Variants in AGT observed in about 807,000 individuals in gnomAD.
AGT encodes the protein alpha-1 antiproteinase, antitrypsin.
AGT carries 26 observed loss-of-function variants against 28.1 expected under a neutral mutation model. The ratio of observed to expected loss-of-function variants is 0.92; its 90% CI spans 0.68 to 1.28. The LOEUF is 1.28. Among genes scored for constraint, AGT ranks in the 50% most tolerant of loss-of-function variants. The pLI, the probability that AGT is intolerant of heterozygous loss-of-function variation, is 0.00. For missense variants in AGT, 596 were observed against 592.3 expected, an observed-to-expected ratio of 1.01 and a Z score of -0.06; for synonymous variants, 259 against 259.6, an observed-to-expected ratio of 1.00 and a Z score of 0.02.
Position 230,710,565 on chromosome 1 carries a change from C to A in AGT, c.259G>T (p.Asp87Tyr), listed in dbSNP as rs1466339661. 1 of 1,614,142 alleles carries A rather than the reference C, an allele frequency of 6.2e-7. No homozygotes were observed. The highest frequency in any genetic ancestry group is 2.2e-5 in the East Asian group (1 of 44,902). ...GCGGCCCTCAACTTGTCTTCGGTGTCAAGTTTTGCAGCGACTAGCACCAGC... is the reference window on the plus strand; with the variant it reads ...GCGGCCCTCAACTTGTCTTCGGTGTAAAGTTTTGCAGCGACTAGCACCAGC... ...DQLVLVAAKLDTEDKLRAAMV... is the reference protein window; with the variant it reads ...DQLVLVAAKLYTEDKLRAAMV... Residue 87 changes from aspartate to tyrosine, a missense_variant, in exon 2 of 5, where the codon GAC (aspartate) becomes TAC (tyrosine). Asp to Tyr is a radical substitution (Grantham distance 160). Coordinates refer to ENST00000366667, the MANE Select transcript of AGT (RefSeq NM_001384479.1).
At chr1:230,722,596 C>T (rs1175815053) in intron 1 of AGT, among the ~76,000 whole-genome samples, 1 of 152,230 alleles carries the variant, frequency 6.6e-6, no homozygotes, top group Non-Finnish European at 1.5e-5. Context: ...TGGGACCTTG[C>T]TGCTTGCATC....
At chr1:230,720,492 A>G (rs1663821162) in intron 1 of AGT, among the ~76,000 whole-genome samples, 2 of 147,948 alleles carry the variant, frequency 1.4e-5, no homozygotes, top group Non-Finnish European at 3.0e-5. Context: ...AGGCAGCCAA[A>G]TGCCTAGGCA....
At chr1:230,726,429 T>G (rs957052184) in intron 1 of AGT, among the ~76,000 whole-genome samples, 1 of 152,090 alleles carries the variant, frequency 6.6e-6, no homozygotes, top group South Asian at 2.1e-4. Context: ...AGTCCTTCCA[T>G]ACCCCTTCAC....
At position 230,703,106 on chromosome 1, in the gene AGT, G is replaced by C. The variant is rs1339032563; in HGVS notation, c.*35C>G. 2.5e-6 allele frequency: 4 copies of C among 1,608,766 alleles called. No homozygotes were observed. The highest frequency in any genetic ancestry group is 3.4e-6 in the Non-Finnish European group (4 of 1,176,926). On this transcript the variant is annotated 3_prime_UTR_variant, in exon 5 of 5. Transcript: ENST00000366667. ...CTTTGCCTCAAAGGCCAGGGGCAGA[G>C]GCCTTGCCAGGCACTGTGTTCTGGG...
intron 2 of AGT, among the ~76,000 whole-genome samples, chr1:230,706,790 C>T (rs575365128): frequency 4.6e-5 from 7 of 152,190 alleles, no homozygotes; most frequent in African/African-American, 1.7e-4. Flanking sequence ...CTTTGAGTCT[C>T]CCTCCTGGTG....
In AGT at chr1:230,705,935, G is replaced by A. The variant is rs1012870153; in HGVS notation, c.1095C>T (p.Pro365=). The A allele has an allele frequency of 2.5e-6, 4 of 1,613,946 alleles. No individual in the cohort carries two copies. In the African/African-American group the frequency reaches 4.0e-5, roughly 16 times the overall value. The change falls in exon 3 of 5, where the codon CCC becomes CCT. Residue 365 remains proline, a splice_region_variant and synonymous_variant. Coordinates refer to ENST00000366667, the MANE Select transcript of AGT (RefSeq NM_001384479.1). Reference sequence around the variant, plus strand: ...AGGGGAGACCGGGAGGCTCCTACCGGGGAGATAGTTTCTTCATCCAGTTGA... The same window carrying A: ...AGGGGAGACCGGGAGGCTCCTACCGAGGAGATAGTTTCTTCATCCAGTTGA... ...NSLNWMKKLS[P]RTIHLTMPQL...
chr1:230,713,229 G>A (rs1009417721), intron 1 of AGT, among the ~76,000 whole-genome samples: 5 of 152,118 alleles, frequency 3.3e-5, no homozygotes, highest in Admixed American at 6.5e-5. Context: ...CAGGGTTCCC[G>A]CTGTTGTGTT....
chr1:230,712,484 C>T lies in AGT; in HGVS notation c.-31+1602G>A, dbSNP rs949597678. 3.3e-5 allele frequency among the ~76,000 whole-genome samples: 5 copies of T among 152,352 alleles called. No homozygotes were observed. The South Asian group carries it at 1.0e-3, about 32-fold the overall frequency. ...ATGGAAAAATGGAACAGAAAACTCT[C>T]TCTGCTGCTTGCAGGCCTTTCTGTG... is the stretch of plus-strand genomic sequence containing the variant. On this transcript the variant is annotated intron_variant, in intron 1 of 4. Coordinates refer to ENST00000366667, the MANE Select transcript of AGT (RefSeq NM_001384479.1).
chr1:230,720,080 A>G (rs2102797558), intron 1 of AGT, among the ~76,000 whole-genome samples: 1 of 152,238 alleles, frequency 6.6e-6, no homozygotes, highest in East Asian at 1.9e-4. Context: ...GAGGCCTAGA[A>G]AATCCTCAGG....
chr1:230,721,381 T>A (rs921712407), intron 1 of AGT, among the ~76,000 whole-genome samples: 1 of 152,070 alleles, frequency 6.6e-6, no homozygotes, highest in Non-Finnish European at 1.5e-5. Flanking sequence ...GCATATAGAG[T>A]TATTTAAACT....
At chr1:230,734,433 T>C (rs1262306776) in intron 1 of AGT, among the ~76,000 whole-genome samples, 2 of 151,982 alleles carry the variant, frequency 1.3e-5, no homozygotes, top group African/African-American at 4.8e-5. Context: ...AGAATTTCAG[T>C]TGGGGAAGAT....
intron 2 of AGT, among the ~76,000 whole-genome samples, chr1:230,708,863 A>G (rs1486815034): frequency 6.6e-6 from 1 of 152,072 alleles, no homozygotes; most frequent in East Asian, 1.9e-4. Flanking sequence ...CCCCATTCCC[A>G]CACCTACCAA....
intron 1 of AGT, among the ~76,000 whole-genome samples, chr1:230,731,265 C>T (rs113887724): frequency 6.6e-6 from 1 of 152,192 alleles, no homozygotes; most frequent in South Asian, 2.1e-4. Context: ...ACACTGTTTA[C>T]CTAGTGCAGG....
chr1:230,732,905 AT>A (rs1166602150), intron 1 of AGT, among the ~76,000 whole-genome samples: 1 of 152,134 alleles, frequency 6.6e-6, no homozygotes, highest in Non-Finnish European at 1.5e-5. Context: ...TTTGAGGACT[AT>A]ACTGTATTAA....
upstream of AGT, among the ~76,000 whole-genome samples, chr1:230,715,345 GC>G (rs1357515307): frequency 6.6e-6 from 1 of 152,010 alleles, no homozygotes; most frequent in African/African-American, 2.4e-5. Context: ...CTTGTCTGGG[GC>G]CCCACAGCGA....
chr1:230,703,641 C>T (rs1663294465), intron 4 of AGT, among the ~76,000 whole-genome samples: 1 of 152,232 alleles, frequency 6.6e-6, no homozygotes, highest in African/African-American at 2.4e-5. Context: ...TCCTGGCTCC[C>T]TTGGCCATGG....
At chr1:230,728,632 G>A (rs961931857) in intron 1 of AGT, among the ~76,000 whole-genome samples, 1 of 152,174 alleles carries the variant, frequency 6.6e-6, no homozygotes, top group Non-Finnish European at 1.5e-5. Flanking sequence ...CACTTACTGA[G>A]AACTTTTGAG....
chr1:230,735,712 C>T (rs981855497), intron 1 of AGT, among the ~76,000 whole-genome samples: 4 of 152,064 alleles, frequency 2.6e-5, no homozygotes, highest in Non-Finnish European at 4.4e-5. Flanking sequence ...TTCTCCTTCC[C>T]CTTAGGTTGG....
At position 230,734,929 on chromosome 1, in the gene AGT, T is replaced by G. The variant is rs180869216; in HGVS notation, c.-31+10586A>C. Among the ~76,000 whole-genome samples the G allele has an allele frequency of 3.7e-3, 559 of 152,178 alleles. 2 individuals carry two copies. The highest frequency in any genetic ancestry group is 0.013 in the African/African-American group (539 of 41,510). On this transcript the variant is annotated intron_variant, in intron 1 of 4. Coordinates refer to the AGT transcript ENST00000681269. ...CAGGGTTTCACCATGTTGGCCAGGA[T>G]GGTCTCGATCTCCTGACCTCGTGAT...
Sources: allele counts gnomAD v4.1 joint callset (sites outside exome capture counted in the v4.1 genomes callset), GRCh38; gene constraint gnomAD v4.1.1; transcripts MANE v1.5; gene names NCBI Gene and HGNC (gene_info 2026-07-23, HGNC 2026-07-21).